Variants in CDIN1 observed in about 807,000 individuals in gnomAD.
CDIN1 encodes the protein CDAN1-interacting nuclease 1.
CDIN1 carries 33 observed loss-of-function variants against 45.3 expected under a neutral mutation model. The observed-to-expected ratio is 0.73, with a 90% CI of 0.55 to 0.97. CDIN1 has a LOEUF of 0.97. Among genes scored for constraint, CDIN1 ranks in the 50% least tolerant of loss-of-function variants. The pLI is 0.00. For missense variants in CDIN1, 303 were observed against 339.4 expected, an observed-to-expected ratio of 0.89 and a Z score of 0.84; for synonymous variants, 118 against 124.4, an observed-to-expected ratio of 0.95 and a Z score of 0.34.
In CDIN1 at chr15:36,579,973, T is replaced by C. The variant is rs1315230277; in HGVS notation, c.101+12T>C. ...CAGAGGTTTCCCAGGTAAGTGTCCATCTCTCCCCTCTCACAGCCCTTTGCC... is the reference window on the plus strand; with the variant it reads ...CAGAGGTTTCCCAGGTAAGTGTCCACCTCTCCCCTCTCACAGCCCTTTGCC... On this transcript the variant is annotated intron_variant, in intron 1 of 10. Transcript: ENST00000566621. 6.2e-7 allele frequency: 1 copy of C among 1,607,612 alleles called. No homozygotes were observed. Among genetic ancestry groups the C allele is most frequent in the Non-Finnish European group, 8.5e-7 (1 of 1,176,502 alleles).
intron 1 of CDIN1, among the ~76,000 whole-genome samples, chr15:36,580,976 G>A (rs933910846): frequency 6.6e-6 from 1 of 152,224 alleles, no homozygotes; most frequent in Non-Finnish European, 1.5e-5. Flanking sequence ...TTTAAGTTCT[G>A]TTATGACTTT....
chr15:36,630,814 A>G (rs2039648188), intron 1 of CDIN1, among the ~76,000 whole-genome samples: 1 of 152,068 alleles, frequency 6.6e-6, no homozygotes, highest in Non-Finnish European at 1.5e-5. Context: ...ACATGGTGAG[A>G]GAGGAGGAGG....
At position 36,808,435 on chromosome 15, in the gene CDIN1, A is replaced by T. The variant is rs1380025208; in HGVS notation, c.828A>T (p.Leu276Phe). The T allele has an allele frequency of 5.0e-6, 8 of 1,613,464 alleles. No individual in the cohort carries two copies. Among genetic ancestry groups the T allele is most frequent in the Non-Finnish European group, 4.2e-6 (5 of 1,179,564 alleles). Residue 276 changes from leucine to phenylalanine, a missense_variant, in exon 11 of 11, where the codon TTA becomes TTT. Physicochemically the swap from Leu to Phe is conservative, Grantham distance 22. Transcript: ENST00000566621. ...GTTTCCCCACGAACATTGTCACCTT[A>T]TGCCACAGCATAGCTTGACCCTGAA... is the stretch of plus-strand genomic sequence containing the variant. ...KACFPTNIVT[L>F]CHSIA is the part of the protein sequence containing the mutation.
chr15:36,659,730 G>T (rs546305981), intron 5 of CDIN1, among the ~76,000 whole-genome samples: 1 of 151,256 alleles, frequency 6.6e-6, no homozygotes, highest in South Asian at 2.1e-4. Flanking sequence ...CTATTTGCCA[G>T]TAGGCTGACT....
chr15:36,621,220 T>C (rs140715231), intron 1 of CDIN1, among the ~76,000 whole-genome samples: 146 of 152,314 alleles, frequency 9.6e-4, no homozygotes, highest in African/African-American at 3.2e-3. Context: ...AAAGCACCAT[T>C]GTGACATAGC....
intron 7 of CDIN1, among the ~76,000 whole-genome samples, 153 bp from the exon 8 acceptor site, chr15:36,697,170 C>T (rs2042460505): frequency 1.3e-5 from 2 of 151,626 alleles, no homozygotes; most frequent in Admixed American, 6.6e-5. Flanking sequence ...AAATTCTATC[C>T]AATTATTTAA....
At chr15:36,749,001 C>T (rs949012167) in intron 10 of CDIN1, among the ~76,000 whole-genome samples, 20 of 152,240 alleles carry the variant, frequency 1.3e-4, no homozygotes, top group Non-Finnish European at 1.3e-4. Context: ...CGCACAGAGA[C>T]GGCCACGTGA....
At chr15:36,731,306 A>G (rs1311880678) in intron 10 of CDIN1, among the ~76,000 whole-genome samples, 1 of 152,132 alleles carries the variant, frequency 6.6e-6, no homozygotes, top group Non-Finnish European at 1.5e-5. Flanking sequence ...AATTGTCAAA[A>G]TAGGTACTTA....
chr15:36,804,056 A>T (rs117181495), intron 10 of CDIN1, among the ~76,000 whole-genome samples: 71 of 151,998 alleles, frequency 4.7e-4, no homozygotes, highest in Non-Finnish European at 9.4e-4. Flanking sequence ...TAGCTGTGAG[A>T]CCTTAGGCAA....
intron 5 of CDIN1, among the ~76,000 whole-genome samples, chr15:36,688,635 A>G (rs1358656943): frequency 1.3e-5 from 2 of 152,206 alleles, no homozygotes; most frequent in Non-Finnish European, 2.9e-5. Flanking sequence ...TGTGTGGTTA[A>G]AAAAGCCAGA....
At chr15:36,648,091 G>A (rs940985279) in intron 3 of CDIN1, among the ~76,000 whole-genome samples, 4 of 151,880 alleles carry the variant, frequency 2.6e-5, no homozygotes, top group African/African-American at 4.8e-5. Context: ...CGGCCGCCTC[G>A]GCCTCCCAAA....
intron 10 of CDIN1, among the ~76,000 whole-genome samples, chr15:36,752,046 G>A (rs2192999): frequency 0.095 from 14,437 of 152,072 alleles, 791 homozygotes; most frequent in East Asian, 0.26. Flanking sequence ...AATGGATGCT[G>A]GGCTTAATAC....
chr15:36,668,695 C>A (rs1411746670), intron 5 of CDIN1, among the ~76,000 whole-genome samples: 1 of 152,174 alleles, frequency 6.6e-6, no homozygotes, highest in East Asian at 1.9e-4. Context: ...AAAAGTTTTT[C>A]TTCTTTTTAC....
chr15:36,657,174 T>C (rs1044576186), intron 4 of CDIN1, among the ~76,000 whole-genome samples: 2 of 152,178 alleles, frequency 1.3e-5, no homozygotes, highest in African/African-American at 4.8e-5. Flanking sequence ...GGGATCTGTA[T>C]TAATTAAATT....
At chr15:36,620,276 G>A (rs1344745512) in intron 1 of CDIN1, among the ~76,000 whole-genome samples, 8 of 152,050 alleles carry the variant, frequency 5.3e-5, no homozygotes, top group Admixed American at 1.3e-4. Flanking sequence ...GCGTGACACC[G>A]GGGGGCGGAG....
At chr15:36,617,690 G>A in intron 1 of CDIN1, 1 of 771,242 alleles carries the variant, frequency 1.3e-6, no homozygotes, top group Non-Finnish European at 2.4e-6. Context: ...GTTGTATTGT[G>A]ATTCTTAGAG....
chr15:36,695,632 A>C (rs942284292), intron 7 of CDIN1, among the ~76,000 whole-genome samples: 2 of 152,128 alleles, frequency 1.3e-5, no homozygotes, highest in African/African-American at 4.8e-5. Context: ...AGATCACTTG[A>C]AGTTAGGAGT....
At position 36,808,363 on chromosome 15, in the gene CDIN1, C is replaced by T; in HGVS notation, c.756C>T (p.Ile252=). The change falls in exon 11 of 11, where the codon ATC becomes ATT. Residue 252 remains isoleucine (I), a synonymous_variant. Transcript: ENST00000566621. ...PGLVIYWYGF[I]QELDCNRERG... ...TAGTCATCTATTGGTATGGATTTAT[C>T]CAGGAGCTGGACTGCAACCGGGAAA... The T allele has an allele frequency of 6.2e-7, 1 of 1,613,544 alleles. No individual in the cohort carries two copies. Among genetic ancestry groups the T allele is most frequent in the South Asian group, 1.1e-5 (1 of 91,060 alleles).
At chr15:36,682,020 T>A (rs1389120200) in intron 5 of CDIN1, among the ~76,000 whole-genome samples, 1 of 152,020 alleles carries the variant, frequency 6.6e-6, no homozygotes, top group East Asian at 1.9e-4. Flanking sequence ...TTTAAAAAAA[T>A]GGAAATCAAC....
Sources: allele counts gnomAD v4.1 joint callset (sites outside exome capture counted in the v4.1 genomes callset), GRCh38; gene constraint gnomAD v4.1.1; transcripts MANE v1.5; gene names NCBI Gene and HGNC (gene_info 2026-07-23, HGNC 2026-07-21).